SF3B6: variants seen among roughly 807,000 people sequenced by gnomAD.
The protein encoded by SF3B6 is splicing factor 3b subunit 6.
SF3B6 carries 3 observed loss-of-function variants against 15.9 expected under a neutral mutation model. That is an observed-to-expected ratio of 0.19 (90% CI 0.09 to 0.49). The LOEUF is 0.49. Among genes scored for constraint, SF3B6 ranks in the 20% least tolerant of loss-of-function variants. The pLI, the probability that SF3B6 is intolerant of heterozygous loss-of-function variation, is 0.97. For missense variants in SF3B6, 71 were observed against 154.3 expected, an observed-to-expected ratio of 0.46 and a Z score of 2.86; for synonymous variants, 49 against 51.1, an observed-to-expected ratio of 0.96 and a Z score of 0.18.
At chr2:24,072,785 T>C (rs937249611) in intron 2 of SF3B6, among the ~76,000 whole-genome samples, 2 of 152,308 alleles carry the variant, frequency 1.3e-5, no homozygotes, top group South Asian at 2.1e-4. Context: ...GCTAGGCAAC[T>C]AGTCACACAC....
chr2:24,070,387 A>G (rs916858821), intron 2 of SF3B6, among the ~76,000 whole-genome samples: 5 of 152,056 alleles, frequency 3.3e-5, no homozygotes, highest in African/African-American at 9.7e-5. Flanking sequence ...CAAGTGATCC[A>G]CCCACCTCAG....
At chr2:24,074,020 A>C (rs1664695013) in intron 2 of SF3B6, 56 bp downstream of exon 2, 18 of 1,142,482 alleles carry the variant, frequency 1.6e-5, no homozygotes, top group Non-Finnish European at 2.3e-5. Context: ...GTCAGCTATA[A>C]TTCTGAAATT....
At chr2:24,069,184 G>A (rs1466690055) in intron 2 of SF3B6, among the ~76,000 whole-genome samples, 2 of 152,218 alleles carry the variant, frequency 1.3e-5, no homozygotes, top group Non-Finnish European at 2.9e-5. Context: ...GCTAATGCAC[G>A]ATACAGCTGT....
rs570289192 is a variant in SF3B6, at chr2:24,070,364, G to A, written c.150-1905C>T. On this transcript the variant is annotated intron_variant, in intron 2 of 3. Transcript: ENST00000233468. ...TTGCCATGTTGGCCAGGCAGGTCTC[G>A]AACTCCTGGCCTCAAGTGATCCACC... Among the ~76,000 whole-genome samples the A allele has an allele frequency of 4.6e-5, 7 of 152,226 alleles. No homozygotes were observed. In the East Asian group the frequency reaches 5.8e-4, roughly 13 times the overall value.
chr2:24,070,388 C>G (rs779235045), intron 2 of SF3B6, among the ~76,000 whole-genome samples: 2 of 152,180 alleles, frequency 1.3e-5, no homozygotes, highest in Non-Finnish European at 2.9e-5. Flanking sequence ...AAGTGATCCA[C>G]CCACCTCAGC....
chr2:24,071,236 C>A (rs1664647614), intron 2 of SF3B6, among the ~76,000 whole-genome samples: 1 of 152,182 alleles, frequency 6.6e-6, no homozygotes, highest in African/African-American at 2.4e-5. Flanking sequence ...TGTGATCTGC[C>A]CACTTCAGCC....
At chr2:24,068,791 G>C (rs1247888153) in intron 2 of SF3B6, among the ~76,000 whole-genome samples, 2 of 152,198 alleles carry the variant, frequency 1.3e-5, no homozygotes, top group East Asian at 3.9e-4. Flanking sequence ...GGGGACTACA[G>C]GTGCTCTTGC....
In SF3B6 at chr2:24,074,133, G is replaced by A; in HGVS notation, c.92C>T (p.Thr31Ile). 6.2e-7 allele frequency: 1 copy of A among 1,610,490 alleles called. No homozygotes were observed. Among genetic ancestry groups the A allele is most frequent in the South Asian group, 1.1e-5 (1 of 90,668 alleles). Reference sequence around the variant, plus strand: ...AAATATATCATACATTTCTTCAGCTGTGATTTTGTATGGCAAATTTCTTAT... The same window carrying A: ...AAATATATCATACATTTCTTCAGCTATGATTTTGTATGGCAAATTTCTTAT... The part of the protein sequence containing the change: ...LYIRNLPYKI[T>I]AEEMYDIFGK... Residue 31 changes from threonine (T) to isoleucine (I), a missense_variant, in exon 2 of 4, where the codon ACA becomes ATA. Physicochemically the swap from Thr to Ile is moderately conservative, Grantham distance 89. Around this residue, in one of 3 missense-constraint regions of SF3B6, gnomAD observed 17 missense variants for 19.9 expected, o/e 0.86. Coordinates refer to ENST00000233468, the MANE Select transcript of SF3B6 (RefSeq NM_016047.4).
At chr2:24,068,588 G>A in intron 2 of SF3B6, 129 bp from the exon 3 acceptor site, 1 of 845,262 alleles carries the variant, frequency 1.2e-6, no homozygotes, top group Non-Finnish European at 1.8e-6. Context: ...TTTTAGTTAA[G>A]TATTTTGAAA....
intron 1 of SF3B6, among the ~76,000 whole-genome samples, chr2:24,074,686 A>G (rs1290969437): frequency 6.6e-6 from 1 of 152,100 alleles, no homozygotes; most frequent in Non-Finnish European, 1.5e-5. Flanking sequence ...ATATCCAACT[A>G]CTTTCCCTCT....
At chr2:24,075,265 T>G (rs1244241146) in intron 1 of SF3B6, among the ~76,000 whole-genome samples, 2 of 152,088 alleles carry the variant, frequency 1.3e-5, no homozygotes, top group Non-Finnish European at 2.9e-5. Context: ...TTTCATCCAC[T>G]GAAATGATTC....
chr2:24,071,976 T>C (rs1360798480), intron 2 of SF3B6, among the ~76,000 whole-genome samples: 1 of 152,144 alleles, frequency 6.6e-6, no homozygotes, highest in Non-Finnish European at 1.5e-5. Context: ...TTTTATATTA[T>C]TCTTCTATTT....
chr2:24,073,140 G>C (rs911046507), intron 2 of SF3B6, among the ~76,000 whole-genome samples: 2 of 152,212 alleles, frequency 1.3e-5, no homozygotes, highest in Admixed American at 1.3e-4. Flanking sequence ...CATTCAAAAG[G>C]AGGGTCCTCA....
Position 24,067,642 on chromosome 2 carries a change from T to G in SF3B6, c.*120A>C. 1.3e-6 allele frequency: 1 copy of G among 779,922 alleles called. No individual in the cohort carries two copies. The highest frequency in any genetic ancestry group is 2.1e-6 in the Non-Finnish European group (1 of 479,678). 48.3% of individuals were successfully genotyped at this position (779,922 alleles called of 1,614,324 possible). A position where few individuals can be genotyped will look rare whatever the true frequency, so the allele number is the denominator to read the frequency against. Reference sequence around the variant, plus strand: ...ATGTATTCCAATATGTATCAAAGTTTCAAGCAGGTCATTTTGAACCTCAAA... The same window carrying G: ...ATGTATTCCAATATGTATCAAAGTTGCAAGCAGGTCATTTTGAACCTCAAA... On this transcript the variant is annotated 3_prime_UTR_variant, in exon 4 of 4. Transcript: ENST00000233468.
chr2:24,076,108 G>C, intron 1 of SF3B6, 92 bp downstream of exon 1: 1 of 1,504,452 alleles, frequency 6.6e-7, no homozygotes, highest in Non-Finnish European at 9.3e-7. Context: ...TCCGCTCTGG[G>C]GACGGAGGAG....
chr2:24,074,568 C>A (rs1408695665), intron 1 of SF3B6, among the ~76,000 whole-genome samples: 1 of 152,052 alleles, frequency 6.6e-6, no homozygotes, highest in Non-Finnish European at 1.5e-5. Flanking sequence ...ATCACTCCTG[C>A]TAACACCTGA....
chr2:24,069,772 C>T (rs1026371211), intron 2 of SF3B6, among the ~76,000 whole-genome samples: 17 of 152,102 alleles, frequency 1.1e-4, no homozygotes, highest in East Asian at 5.8e-4. Context: ...TCAATGAATG[C>T]GCTCACTTTG....
intron 2 of SF3B6, among the ~76,000 whole-genome samples, chr2:24,071,305 A>G (rs1664648528): frequency 6.6e-6 from 1 of 152,176 alleles, no homozygotes; most frequent in Non-Finnish European, 1.5e-5. Flanking sequence ...AATAATTATA[A>G]ATCTTAAGAA....
intron 2 of SF3B6, 184 bp downstream of exon 2, chr2:24,073,892 G>A: frequency 1.9e-6 from 1 of 519,606 alleles, no homozygotes; most frequent in Non-Finnish European, 3.4e-6. Flanking sequence ...GGATCATTAG[G>A]GTCTCAGTAG....
Sources: allele counts gnomAD v4.1 joint callset (sites outside exome capture counted in the v4.1 genomes callset), GRCh38; gene constraint gnomAD v4.1.1; regional missense constraint gnomAD v4.1.1; transcripts MANE v1.5; gene names NCBI Gene and HGNC (gene_info 2026-07-23, HGNC 2026-07-21).